The following HYDIN variants were observed in gnomAD, a reference collection of about 807,000 sequenced individuals.
HYDIN encodes the protein HYDIN axonemal central pair apparatus protein.
HYDIN carries 132 observed loss-of-function variants against 403.9 expected under a neutral mutation model. That is an observed-to-expected ratio of 0.33 (90% CI 0.28 to 0.38). HYDIN has a LOEUF of 0.38. Ranked by LOEUF, HYDIN falls within the 10% of genes least tolerant of loss-of-function variation. HYDIN has a pLI of 1.00. For missense variants in HYDIN, 2,827 were observed against 5,009.5 expected, an observed-to-expected ratio of 0.56 and a Z score of 13.15; for synonymous variants, 1,202 against 1,891.7, an observed-to-expected ratio of 0.64 and a Z score of 9.46.
intron 83 of HYDIN, among the ~76,000 whole-genome samples, chr16:70,825,039 G>C (rs2486991): frequency 0.22 from 33,220 of 150,666 alleles, 6,610 homozygotes; most frequent in African/African-American, 0.54. Context: ...GGATTACAGA[G>C]GTGAGCCACT....
At chr16:70,843,007 CT>C (rs147680176) in intron 75 of HYDIN, among the ~76,000 whole-genome samples, 1,514 of 149,474 alleles carry the variant, frequency 0.01, 13 homozygotes, top group Middle Eastern at 0.09. Context: ...AACTTAATTT[CT>C]TTTTTTTTAC....
At chr16:70,837,496 G>C (rs1208929809) in intron 77 of HYDIN, among the ~76,000 whole-genome samples, 194 bp downstream of exon 77, 1 of 152,112 alleles carries the variant, frequency 6.6e-6, no homozygotes, top group African/African-American at 2.4e-5. Context: ...ATGATTCAGT[G>C]AGTCTGATCT....
chr16:71,020,721 A>G lies in HYDIN; in HGVS notation c.3187-404T>C, dbSNP rs574744416. On this transcript the variant is annotated intron_variant, in intron 21 of 85. Coordinates refer to ENST00000393567, the MANE Select transcript of HYDIN (RefSeq NM_001270974.2). ...CTACTTGGGAGGCTGAGGCATGAAG[A>G]TCACTTGAACCCAGGAGGCAGAGGT... is the stretch of plus-strand genomic sequence containing the variant. Among the ~76,000 whole-genome samples the G allele has an allele frequency of 2.0e-5, 3 of 151,508 alleles. No homozygotes were observed. The South Asian group carries it at 6.3e-4, about 32-fold the overall frequency.
rs1342520367 is a variant in HYDIN at position 70,981,386 on chromosome 16, A to G, written c.4510+5T>C. The G allele has an allele frequency of 2.5e-6, 4 of 1,612,902 alleles. No individual in the cohort carries two copies. The highest frequency in any genetic ancestry group is 2.7e-5 in the African/African-American group (2 of 74,908). ...GTGGGGAACTACTCCAGTGTGAAGT[A>G]CTACCTGTGAGGTTCCTGGGGAGAT... On this transcript the variant is annotated splice_donor_5th_base_variant and intron_variant, in intron 29 of 85. Transcript: ENST00000393567.
intron 1 of HYDIN, among the ~76,000 whole-genome samples, chr16:71,199,717 C>T (rs1157817645): frequency 5.3e-5 from 8 of 152,114 alleles, no homozygotes; most frequent in Non-Finnish European, 7.3e-5. Flanking sequence ...TCATTCATAA[C>T]GTGAAGATGG....
chr16:71,103,847 C>T (rs1408891932), intron 10 of HYDIN, among the ~76,000 whole-genome samples: 1 of 152,120 alleles, frequency 6.6e-6, no homozygotes, highest in Admixed American at 6.5e-5. Flanking sequence ...GGAGAAATGG[C>T]ATTAAGATGT....
chr16:70,871,202 G>T (rs952430257), intron 65 of HYDIN, among the ~76,000 whole-genome samples: 11 of 151,572 alleles, frequency 7.3e-5, no homozygotes, highest in Non-Finnish European at 1.2e-4. Context: ...GAATGGTCAG[G>T]GTCCTAATGA....
chr16:70,833,662 G>A (rs1460563773), intron 79 of HYDIN, among the ~76,000 whole-genome samples: 2 of 129,416 alleles, frequency 1.5e-5, no homozygotes, highest in Admixed American at 7.9e-5. Context: ...GTCAAGGCAG[G>A]AAACAGGCAT....
chr16:71,026,179 C>T (rs1192861201), intron 20 of HYDIN, among the ~76,000 whole-genome samples: 3 of 152,284 alleles, frequency 2.0e-5, no homozygotes, highest in Admixed American at 1.3e-4. Flanking sequence ...GGATTACAGG[C>T]GTGAGCCACC....
Position 70,964,768 on chromosome 16 carries a change from C to T in HYDIN, c.5748G>A (p.Gln1916=), listed in dbSNP as rs1344181338. 6.3e-7 allele frequency: 1 copy of T among 1,591,514 alleles called. No homozygotes were observed. Among genetic ancestry groups the T allele is most frequent in the Non-Finnish European group, 8.6e-7 (1 of 1,159,630 alleles). The part of the protein sequence containing the change: ...FKEIKKSKEE[Q]MRAKYLENLA... ...GATTCTCCAGATATTTCGCCCTCAT[C>T]TGCTCCTCTTTTGACTTCTTTATCT... Residue 1916 remains glutamine, a synonymous_variant, in exon 37 of 86, where the codon CAG becomes CAA. Coordinates refer to ENST00000393567, the MANE Select transcript of HYDIN (RefSeq NM_001270974.2).
intron 29 of HYDIN, among the ~76,000 whole-genome samples, chr16:70,980,349 A>T (rs75276461): frequency 6.6e-6 from 1 of 151,774 alleles, no homozygotes; most frequent in Non-Finnish European, 1.5e-5. Flanking sequence ...AAAAAAAAAA[A>T]TTAAAAAATT....
intron 5 of HYDIN, among the ~76,000 whole-genome samples, chr16:71,170,460 A>G (rs897371697): frequency 3.3e-5 from 5 of 152,192 alleles, no homozygotes; most frequent in African/African-American, 1.2e-4. Context: ...GAATCTAATC[A>G]AGGCTATAGA....
rs564736564 is a variant in HYDIN, at chr16:70,888,794, C to T, written c.9774+793G>A. Reference sequence around the variant, plus strand: ...GCTTGGAGAGGGTGGAGTCTAGACTCTCTATTTGGCCTTTGCTAGCAGAGG... The same window carrying T: ...GCTTGGAGAGGGTGGAGTCTAGACTTTCTATTTGGCCTTTGCTAGCAGAGG... On this transcript the variant is annotated intron_variant, in intron 58 of 85. Coordinates refer to ENST00000393567, the MANE Select transcript of HYDIN (RefSeq NM_001270974.2). 9.2e-5 allele frequency among the ~76,000 whole-genome samples: 14 copies of T among 152,244 alleles called. No homozygotes were observed. The South Asian group carries it at 2.9e-3, about 32-fold the overall frequency.
chr16:70,891,260 C>T (rs978576226), intron 57 of HYDIN, among the ~76,000 whole-genome samples: 42 of 152,128 alleles, frequency 2.8e-4, no homozygotes, highest in African/African-American at 9.9e-4. Context: ...GCGATCTCGG[C>T]TCACTGCAAC....
chr16:71,127,970 T>C (rs1568195485), intron 9 of HYDIN, among the ~76,000 whole-genome samples: 1 of 150,752 alleles, frequency 6.6e-6, no homozygotes, highest in Non-Finnish European at 1.5e-5. Flanking sequence ...GTCTCAGCCT[T>C]GGCACACATC....
At chr16:71,186,434 G>A (rs903999163) in intron 2 of HYDIN, among the ~76,000 whole-genome samples, 6 of 152,192 alleles carry the variant, frequency 3.9e-5, no homozygotes, top group African/African-American at 1.4e-4. Context: ...ATGAAATTCT[G>A]ATATTTGACT....
At chr16:71,227,541 T>C (rs1281611563) in intron 1 of HYDIN, among the ~76,000 whole-genome samples, 1 of 152,054 alleles carries the variant, frequency 6.6e-6, no homozygotes, top group East Asian at 1.9e-4. Flanking sequence ...GAGAGCCAAA[T>C]CATGAGTGAA....
At position 70,807,443 on chromosome 16, in the gene HYDIN, T is replaced by C. The variant is rs1186772012; in HGVS notation, c.*137A>G. ...TTCATATCTATATTTGGAAAACACA[T>C]AATAGGGAAATAACTGCCCTATAAT... On this transcript the variant is annotated 3_prime_UTR_variant, in exon 86 of 86. Coordinates refer to ENST00000393567, the MANE Select transcript of HYDIN (RefSeq NM_001270974.2). 1.1e-6 allele frequency: 1 copy of C among 932,452 alleles called. No homozygotes were observed. The highest frequency in any genetic ancestry group is 1.7e-5 in the South Asian group (1 of 58,294). The allele number at this position is 932,452 out of a possible 1,614,324, so 57.8% of individuals were successfully genotyped here.
intron 69 of HYDIN, among the ~76,000 whole-genome samples, chr16:70,861,338 A>C (rs2039404151): frequency 2.0e-5 from 3 of 152,044 alleles, no homozygotes; most frequent in Non-Finnish European, 2.9e-5. Context: ...GAGGGGTCTC[A>C]GTGGTATGAC....
Sources: allele counts gnomAD v4.1 joint callset (sites outside exome capture counted in the v4.1 genomes callset), GRCh38; gene constraint gnomAD v4.1.1; transcripts MANE v1.5; gene names NCBI Gene and HGNC (gene_info 2026-07-23, HGNC 2026-07-21).